The following REXO1 variants were observed in gnomAD, a reference collection of about 807,000 sequenced individuals.
REXO1 encodes REX1, RNA exonuclease 1 homolog.
A neutral mutation model predicts 102.6 loss-of-function variants in REXO1; 42 were observed. The ratio of observed to expected loss-of-function variants is 0.41; its 90% CI spans 0.32 to 0.53. The LOEUF is 0.53. REXO1 is among the 20% of genes least tolerant of loss of function. The pLI is 0.27. For missense variants in REXO1, 1,819 were observed against 1,732.5 expected (o/e 1.05, Z -0.89); for synonymous variants, 908 against 779.1 (o/e 1.17, Z -2.76).
intron 1 of REXO1, among the ~76,000 whole-genome samples, chr19:1,836,743 CAAAA>C (rs1185957602): frequency 3.1e-5 from 2 of 64,602 alleles, no homozygotes; most frequent in Non-Finnish European, 5.6e-5. Flanking sequence ...AAGACTGTCT[CAAAA>C]AAAAAAAAAA....
chr19:1,844,373 C>A (rs56900624), intron 1 of REXO1, among the ~76,000 whole-genome samples: 4 of 152,200 alleles, frequency 2.6e-5, no homozygotes, highest in Admixed American at 6.5e-5. Flanking sequence ...AGGTAGGGAC[C>A]CCAGAGCCCA....
intron 7 of REXO1, 51 bp from the exon 8 acceptor site, chr19:1,819,182 C>A (rs1294057740): frequency 7.3e-7 from 1 of 1,370,506 alleles, no homozygotes; most frequent in Admixed American, 2.3e-5. Flanking sequence ...TGGCTCAGAC[C>A]CCTGCCCCGC....
intron 1 of REXO1, among the ~76,000 whole-genome samples, chr19:1,839,879 G>A (rs914653809): frequency 2.0e-5 from 3 of 152,356 alleles, no homozygotes; most frequent in South Asian, 2.1e-4. Flanking sequence ...CGTGGTGCAC[G>A]GGGCGGTGGC....
In REXO1 at chr19:1,821,691, G is replaced by A. The variant is rs957829372; in HGVS notation, c.2231-9C>T. 6.2e-7 allele frequency: 1 copy of A among 1,606,760 alleles called. No individual in the cohort carries two copies. The highest frequency in any genetic ancestry group is 1.1e-5 in the South Asian group (1 of 90,682). The stretch of plus-strand genomic sequence containing the variant: ...CTTGGCACCTGTGGGGGCTGGCGGG[G>A]CACAGGGGGTGTGGGCACAGGGCGA... On this transcript the variant is annotated splice_polypyrimidine_tract_variant and intron_variant, in intron 4 of 15. Transcript: ENST00000170168.
At position 1,848,480 on chromosome 19, in the gene REXO1, C is replaced by CT; in HGVS notation, c.-123_-122insA. On this transcript the variant is annotated 5_prime_UTR_variant, in exon 1 of 16. Coordinates refer to ENST00000170168, the MANE Select transcript of REXO1 (RefSeq NM_020695.4). ...CGCCGCCGCCATCTTGCTCCGAGGC[C>CT]CCCGGAGGCCCTCGGGACGCCGCCG... 4.2e-6 allele frequency: 3 copies of CT among 715,150 alleles called. No homozygotes were observed. The highest frequency in any genetic ancestry group is 3.5e-6 in the Non-Finnish European group (2 of 569,670). 44.3% of individuals were successfully genotyped at this position (715,150 alleles called of 1,614,324 possible).
At chr19:1,825,787 T>TTAA in intron 3 of REXO1, 52 bp downstream of exon 3, 1 of 995,588 alleles carries the variant, frequency 1.0e-6, no homozygotes, top group Non-Finnish European at 1.5e-6. Context: ...ACCTCGTCTT[T>TTAA]AAAAAAAAAA....
chr19:1,847,874 G>T (rs1163614937), intron 1 of REXO1, among the ~76,000 whole-genome samples: 1 of 152,212 alleles, frequency 6.6e-6, no homozygotes, highest in Non-Finnish European at 1.5e-5. Context: ...CCTGCCTAGC[G>T]CCGGCCGCGC....
intron 1 of REXO1, among the ~76,000 whole-genome samples, chr19:1,839,613 GCCGACCCCGGCCC>G (rs566124225): frequency 6.6e-6 from 1 of 152,338 alleles, no homozygotes; most frequent in Non-Finnish European, 1.5e-5. Flanking sequence ...GGCAATGTGG[GCCGACCCCGGCCC>G]CATCATTCAT....
chr19:1,821,536 G>C lies in REXO1; in HGVS notation c.2377C>G (p.His793Asp). The change falls in exon 5 of 16, where the codon CAC becomes GAC. Residue 793 changes from histidine to aspartate, a missense_variant. Physicochemically the swap from His to Asp is moderately conservative, Grantham distance 81. Coordinates refer to ENST00000170168, the MANE Select transcript of REXO1 (RefSeq NM_020695.4). Reference sequence around the variant, plus strand: ...GGGGCTACCTGTAAGGATGGACTGTGGGCGATTCGCTTAGGGATGATGGTG... The same window carrying C: ...GGGGCTACCTGTAAGGATGGACTGTCGGCGATTCGCTTAGGGATGATGGTG... The part of the protein sequence containing the change: ...TTTIIPKRIA[H>D]SPSLQSLKKP... 1 of 1,613,856 alleles carries C rather than the reference G, an allele frequency of 6.2e-7. No individual in the cohort carries two copies. The highest frequency in any genetic ancestry group is 8.5e-7 in the Non-Finnish European group (1 of 1,179,856).
chr19:1,847,409 G>C (rs764389641), intron 1 of REXO1, among the ~76,000 whole-genome samples: 1 of 152,176 alleles, frequency 6.6e-6, no homozygotes, highest in African/African-American at 2.4e-5. Context: ...GGGGCTGGGT[G>C]AAGCAGAGAG....
At chr19:1,831,688 C>CA (rs1463967469) in intron 1 of REXO1, among the ~76,000 whole-genome samples, 1 of 151,152 alleles carries the variant, frequency 6.6e-6, no homozygotes, top group Non-Finnish European at 1.5e-5. Flanking sequence ...ACTAAAAATA[C>CA]AAAAAAATTA....
chr19:1,818,906 G>C, intron 8 of REXO1, 63 bp from the exon 9 acceptor site: 1 of 1,588,044 alleles, frequency 6.3e-7, no homozygotes, highest in Non-Finnish European at 8.6e-7. Context: ...AGACACCACC[G>C]GGAAAGGCGG....
chr19:1,837,840 C>T (rs1028907448), intron 1 of REXO1, among the ~76,000 whole-genome samples: 4 of 152,192 alleles, frequency 2.6e-5, no homozygotes, highest in Non-Finnish European at 5.9e-5. Context: ...AAAAAGGTCC[C>T]GGCCTGACCG....
intron 1 of REXO1, among the ~76,000 whole-genome samples, chr19:1,838,622 G>A (rs1340911857): frequency 2.0e-5 from 3 of 147,862 alleles, no homozygotes; most frequent in Admixed American, 6.8e-5. Context: ...CCGAGATCGT[G>A]ACATTGCTCT....
chr19:1,820,834 T>TA (rs2069512783), intron 5 of REXO1, among the ~76,000 whole-genome samples: 1 of 150,972 alleles, frequency 6.6e-6, no homozygotes, highest in South Asian at 2.1e-4. Context: ...CTCTACAAAA[T>TA]AAAAAACAAA....
intron 4 of REXO1, 131 bp from the exon 5 acceptor site, chr19:1,821,813 T>A: frequency 1.2e-6 from 1 of 807,112 alleles, no homozygotes; most frequent in Non-Finnish European, 1.9e-6. Flanking sequence ...CGGGCCAGGG[T>A]GAGGGGCTGG....
chr19:1,820,198 G>C, intron 6 of REXO1, 66 bp downstream of exon 6: 1 of 1,567,908 alleles, frequency 6.4e-7, no homozygotes, highest in Non-Finnish European at 8.6e-7. Context: ...GCCGGGGGAT[G>C]TCTGGGGACC....
At position 1,818,519 on chromosome 19, in the gene REXO1, C is replaced by T. The variant is rs756017015; in HGVS notation, c.2979G>A (p.Glu993=). ...SSSGRCIRDE[E]CYYHWGRLRR... ...GCAGCCGTCCCCAGTGGTAATAACA[C>T]TCCTCGTCCCGGATGCAGCGGCCTG... Residue 993 remains glutamate (E), a synonymous_variant, in exon 10 of 16, where the codon GAG becomes GAA. Coordinates refer to ENST00000170168, the MANE Select transcript of REXO1 (RefSeq NM_020695.4). 1.5e-5 allele frequency: 24 copies of T among 1,611,544 alleles called. No individual in the cohort carries two copies. The highest frequency in any genetic ancestry group is 2.0e-5 in the Non-Finnish European group (24 of 1,179,552).
Position 1,815,595 on chromosome 19 carries a change from T to G in REXO1, c.*471A>C. On this transcript the variant is annotated 3_prime_UTR_variant, in exon 16 of 16. Transcript: ENST00000170168. The surrounding 1 kb of genome is among the most constrained non-coding windows in gnomAD (Gnocchi z 4.0). ...AGGAGGGAAGGCAGCAGGCCCGCTC[T>G]TCCCGGTGGGAAAGATGCTGTGCAA... 4 of 914,604 alleles carry G rather than the reference T, an allele frequency of 4.4e-6. No individual in the cohort carries two copies. Among genetic ancestry groups the G allele is most frequent in the Non-Finnish European group, 5.7e-6 (4 of 706,260 alleles). The allele number at this position is 914,604 out of a possible 1,614,324, so 56.7% of individuals were successfully genotyped here.
Sources: allele counts gnomAD v4.1 joint callset (sites outside exome capture counted in the v4.1 genomes callset), GRCh38; gene constraint gnomAD v4.1.1; non-coding constraint Gnocchi (gnomAD v3.1); transcripts MANE v1.5; gene names NCBI Gene and HGNC (gene_info 2026-07-23, HGNC 2026-07-21).